Variants in FER observed in about 807,000 individuals in gnomAD.
FER encodes FER tyrosine kinase.
FER carries 63 observed loss-of-function variants against 111.0 expected under a neutral mutation model. That is an observed-to-expected ratio of 0.57 (90% CI 0.46 to 0.70). The LOEUF is 0.70. Ranked by LOEUF, FER falls within the 30% of genes least tolerant of loss-of-function variation. The probability of loss-of-function intolerance (pLI) is 0.00; values close to 1 mark genes in which losing one functional copy is unlikely to be tolerated. For synonymous variants in FER, 327 were observed against 313.9 expected (o/e 1.04, Z -0.44); for missense variants, 914 against 954.0 (o/e 0.96, Z 0.55).
At chr5:109,023,470 G>C (rs1458277730) in intron 13 of FER, among the ~76,000 whole-genome samples, 1 of 152,028 alleles carries the variant, frequency 6.6e-6, no homozygotes, top group Non-Finnish European at 1.5e-5. Context: ...CTCTCCTTTT[G>C]TTTTGTGAAC....
At chr5:108,763,002 A>G (rs1197931057) in intron 1 of FER, among the ~76,000 whole-genome samples, 5 of 152,070 alleles carry the variant, frequency 3.3e-5, no homozygotes, top group South Asian at 2.1e-4. Flanking sequence ...AACACTGTGT[A>G]TTTTACTTAC....
At chr5:108,879,912 G>A (rs1765517389) in intron 8 of FER, among the ~76,000 whole-genome samples, 1 of 151,580 alleles carries the variant, frequency 6.6e-6, no homozygotes, top group Admixed American at 6.6e-5. Context: ...GTTTCACCAT[G>A]TTGGCCAGGC....
rs1372647072 is a variant in FER at position 109,187,774 on chromosome 5, C to T, written c.*199C>T. 1 of 614,038 alleles carries T rather than the reference C, an allele frequency of 1.6e-6. No individual in the cohort carries two copies. Among genetic ancestry groups the T allele is most frequent in the Non-Finnish European group, 2.8e-6 (1 of 360,906 alleles). The allele number at this position is 614,038 out of a possible 1,614,324, so 38.0% of individuals were successfully genotyped here. On this transcript the variant is annotated 3_prime_UTR_variant, in exon 20 of 20. Coordinates refer to ENST00000281092, the MANE Select transcript of FER (RefSeq NM_005246.4). ...TTTGTTAAAGAAATAGGCAGTCCTA[C>T]CAAGGGCTTTCTTAGCTAACCATAG...
intron 3 of FER, among the ~76,000 whole-genome samples, chr5:108,801,102 C>G (rs1447238773): frequency 6.6e-6 from 1 of 152,282 alleles, no homozygotes; most frequent in East Asian, 1.9e-4. Context: ...GTGTTATCAT[C>G]TGGAAATTTT....
At chr5:108,832,967 C>T in intron 4 of FER, 24 bp downstream of exon 4, 1 of 1,508,112 alleles carries the variant, frequency 6.6e-7, no homozygotes, top group Non-Finnish European at 8.9e-7. Context: ...TATTGAAGTT[C>T]TTTCTTGAAA....
At chr5:109,049,183 G>C (rs895507493) in intron 16 of FER, among the ~76,000 whole-genome samples, 1 of 152,156 alleles carries the variant, frequency 6.6e-6, no homozygotes, top group East Asian at 1.9e-4. Flanking sequence ...ATCACAACCT[G>C]AGGGCTTAAA....
intron 16 of FER, among the ~76,000 whole-genome samples, chr5:109,086,361 A>G (rs533669386): frequency 1.6e-4 from 24 of 151,800 alleles, no homozygotes; most frequent in African/African-American, 5.8e-4. Flanking sequence ...TAGGGCCTGT[A>G]AAGATGTTTC....
At chr5:108,998,109 C>G (rs1024703426) in intron 13 of FER, among the ~76,000 whole-genome samples, 5 of 151,380 alleles carry the variant, frequency 3.3e-5, no homozygotes, top group African/African-American at 1.2e-4. Context: ...CCACTTGGCT[C>G]CCTGGCTTCA....
At chr5:108,992,574 G>T (rs987924601) in intron 13 of FER, among the ~76,000 whole-genome samples, 1 of 151,440 alleles carries the variant, frequency 6.6e-6, no homozygotes, top group African/African-American at 2.4e-5. Flanking sequence ...CCCAGTAGGG[G>T]TGGCTGGGCA....
chr5:108,790,663 A>G (rs991686522), intron 2 of FER, among the ~76,000 whole-genome samples: 2 of 152,178 alleles, frequency 1.3e-5, no homozygotes, highest in Admixed American at 6.5e-5. Flanking sequence ...TTTTTGAACT[A>G]TTATTTATAA....
chr5:108,773,894 G>C (rs1401124275), intron 2 of FER, among the ~76,000 whole-genome samples: 1 of 152,096 alleles, frequency 6.6e-6, no homozygotes, highest in Admixed American at 6.5e-5. Flanking sequence ...CATTCTGACT[G>C]GTGTGAGATG....
intron 13 of FER, among the ~76,000 whole-genome samples, chr5:108,961,564 G>A (rs575771507): frequency 3.9e-5 from 6 of 152,130 alleles, no homozygotes; most frequent in African/African-American, 7.2e-5. Context: ...ATCGTTATAT[G>A]TGATTTTTTA....
intron 17 of FER, among the ~76,000 whole-genome samples, chr5:109,154,830 A>G (rs908388161): frequency 1.8e-4 from 27 of 152,044 alleles, no homozygotes; most frequent in African/African-American, 4.8e-4. Flanking sequence ...GAAAGATCCA[A>G]TATTAGCTAA....
intron 17 of FER, among the ~76,000 whole-genome samples, chr5:109,151,733 T>G (rs1754873805): frequency 6.6e-6 from 1 of 152,142 alleles, no homozygotes; most frequent in Admixed American, 6.5e-5. Context: ...CAAAATGCAT[T>G]TCATCTTTCT....
rs1561502868 is a variant in FER at position 108,845,018 on chromosome 5, A to ATATATG, written c.481+9216_481+9217insGTATAT. ...TGTGTATATATATATATATATATAT[A>ATATATG]TATATATATATATATATATATACAT... On this transcript the variant is annotated intron_variant, in intron 5 of 19. Transcript: ENST00000281092. Among the ~76,000 whole-genome samples, 58 of 53,336 alleles carry ATATATG rather than the reference A, an allele frequency of 1.1e-3. 1 individual carries two copies. The highest frequency in any genetic ancestry group is 0.01 in the Admixed American group (39 of 3,840). The allele number at this position is 53,336 out of a possible 152,430, so 35.0% of individuals were successfully genotyped here.
chr5:108,863,240 C>T (rs1490604036), intron 5 of FER, among the ~76,000 whole-genome samples: 1 of 152,096 alleles, frequency 6.6e-6, no homozygotes, highest in Non-Finnish European at 1.5e-5. Context: ...CTGCCTCAGC[C>T]TCCCGATTGG....
intron 16 of FER, among the ~76,000 whole-genome samples, chr5:109,062,112 T>TG (rs1477133984): frequency 1.3e-5 from 2 of 151,682 alleles, no homozygotes; most frequent in Non-Finnish European, 2.9e-5. Flanking sequence ...ATGGGTAATA[T>TG]GAAAAAAAAA....
chr5:109,055,102 G>T (rs1407195776), intron 16 of FER, among the ~76,000 whole-genome samples: 1 of 152,096 alleles, frequency 6.6e-6, no homozygotes, highest in African/African-American at 2.4e-5. Flanking sequence ...TGGGAAAACT[G>T]CATTTTCACA....
At chr5:108,873,599 T>A (rs1418481781) in intron 8 of FER, among the ~76,000 whole-genome samples, 1 of 151,482 alleles carries the variant, frequency 6.6e-6, no homozygotes, top group South Asian at 2.1e-4. Context: ...CATTACAGAG[T>A]TTTTCCTAGC....
Sources: gnomAD v4.1 joint callset for allele counts (sites outside exome capture counted in the v4.1 genomes callset) on GRCh38, gnomAD v4.1.1 for gene constraint, MANE v1.5 for transcripts, NCBI Gene and HGNC (gene_info 2026-07-23, HGNC 2026-07-21) for gene names.